KCNQ1: variants seen among roughly 807,000 people sequenced by gnomAD.
KCNQ1 encodes potassium voltage-gated channel subfamily Q member 1, also known as potassium voltage-gated channel subfamily KQT member 1.
A neutral mutation model predicts 72.4 loss-of-function variants in KCNQ1; 49 were observed. The ratio of observed to expected loss-of-function variants is 0.68; its 90% CI spans 0.54 to 0.86. KCNQ1 has a LOEUF of 0.86. KCNQ1 is among the 40% of genes least tolerant of loss of function. The probability of loss-of-function intolerance (pLI) is 0.00; values close to 1 mark genes in which losing one functional copy is unlikely to be tolerated. For synonymous variants in KCNQ1, 450 were observed against 412.6 expected, an observed-to-expected ratio of 1.09 and a Z score of -1.10; for missense variants, 790 against 945.1, an observed-to-expected ratio of 0.84 and a Z score of 2.15.
chr11:2,514,569 C>T (rs752603972), intron 1 of KCNQ1, among the ~76,000 whole-genome samples: 4 of 152,226 alleles, frequency 2.6e-5, no homozygotes, highest in Admixed American at 1.3e-4. Context: ...CGGTGGCTCA[C>T]GCCTGTAATC....
intron 11 of KCNQ1, chr11:2,662,295 G>T: frequency 1.6e-6 from 1 of 607,972 alleles, no homozygotes; most frequent in East Asian, 2.8e-5. Flanking sequence ...TGATCCTCTT[G>T]TTTTGACTTA....
chr11:2,681,793 C>T (rs1850402971), intron 11 of KCNQ1: 1 of 398,442 alleles, frequency 2.5e-6, no homozygotes, highest in South Asian at 1.3e-4. Flanking sequence ...AGAATGGGTA[C>T]AGTCCCTGCC....
Position 2,595,227 on chromosome 11 carries a change from A to T in KCNQ1, c.1393+6373A>T, listed in dbSNP as rs537914336. On this transcript the variant is annotated intron_variant, in intron 10 of 15. Coordinates refer to ENST00000155840, the MANE Select transcript of KCNQ1 (RefSeq NM_000218.3). The surrounding 1 kb of genome is among the most constrained non-coding windows in gnomAD (Gnocchi z 5.0). Reference sequence around the variant, plus strand: ...GCAGAAGACATGGTTATCTATGTAGAAAATCTGATGAACATGCAAGATGAC... The same window carrying T: ...GCAGAAGACATGGTTATCTATGTAGTAAATCTGATGAACATGCAAGATGAC... 6.6e-6 allele frequency among the ~76,000 whole-genome samples: 1 copy of T among 152,340 alleles called. No individual in the cohort carries two copies. Among genetic ancestry groups the T allele is most frequent in the African/African-American group, 2.4e-5 (1 of 41,580 alleles).
chr11:2,541,709 T>G lies in KCNQ1; in HGVS notation c.477+13691T>G, dbSNP rs987115279. Reference sequence around the variant, plus strand: ...CTCAGGCTCAGGTGTTTTGAGTTTTTTTTTTTTTTTAAATGAGGACATCTG... The same window carrying G: ...CTCAGGCTCAGGTGTTTTGAGTTTTGTTTTTTTTTTAAATGAGGACATCTG... On this transcript the variant is annotated intron_variant, in intron 2 of 15. Coordinates refer to ENST00000155840, the MANE Select transcript of KCNQ1 (RefSeq NM_000218.3). The surrounding 1 kb of genome is among the most constrained non-coding windows in gnomAD (Gnocchi z 4.8). Among the ~76,000 whole-genome samples, 2 of 151,418 alleles carry G rather than the reference T, an allele frequency of 1.3e-5. No individual in the cohort carries two copies. Among genetic ancestry groups the G allele is most frequent in the Admixed American group, 6.6e-5 (1 of 15,238 alleles).
At chr11:2,502,284 T>C (rs1847029663) in intron 1 of KCNQ1, among the ~76,000 whole-genome samples, 1 of 152,218 alleles carries the variant, frequency 6.6e-6, no homozygotes, top group Admixed American at 6.5e-5. Context: ...TGTGGTCTTA[T>C]ATTTGGAAAA....
In KCNQ1 at chr11:2,677,813, T is replaced by C. The variant is rs1850320077; in HGVS notation, c.1514+15732T>C. 2.5e-6 allele frequency: 1 copy of C among 398,590 alleles called. No individual in the cohort carries two copies. Among genetic ancestry groups the C allele is most frequent in the Non-Finnish European group, 4.4e-6 (1 of 226,042 alleles). The allele number at this position is 398,590 out of a possible 1,614,324, so 24.7% of individuals were successfully genotyped here. A position where few individuals can be genotyped will look rare whatever the true frequency, so the allele number is the denominator to read the frequency against. On this transcript the variant is annotated intron_variant, in intron 11 of 15. Coordinates refer to ENST00000155840, the MANE Select transcript of KCNQ1 (RefSeq NM_000218.3). The surrounding 1 kb of genome is among the most constrained non-coding windows in gnomAD (Gnocchi z 4.5). ...CCAGCAGGATTAAAATGTTCATTTA[T>C]GTTGTGATAGATACTGCCAAATAAG...
At position 2,626,787 on chromosome 11, in the gene KCNQ1, A is replaced by C. The variant is rs1328536359; in HGVS notation, c.1394-35174A>C. On this transcript the variant is annotated intron_variant, in intron 10 of 15. Transcript: ENST00000155840. The surrounding 1 kb of genome is among the most constrained non-coding windows in gnomAD (Gnocchi z 4.0). ...CAGAAGTCCTCCCACCTCAGCCTTC[A>C]AAAGTGCTGAGATTACAGGTGTAGG... 1.0e-5 allele frequency: 4 copies of C among 398,462 alleles called. No individual in the cohort carries two copies. Among genetic ancestry groups the C allele is most frequent in the Non-Finnish European group, 1.8e-5 (4 of 226,070 alleles). 24.7% of individuals were successfully genotyped at this position (398,462 alleles called of 1,614,324 possible). A position where few individuals can be genotyped will look rare whatever the true frequency, so the allele number is the denominator to read the frequency against.
In KCNQ1 at chr11:2,824,431, C is replaced by A. The variant is rs1254418906; in HGVS notation, c.1795-23336C>A. On this transcript the variant is annotated intron_variant, in intron 15 of 15. Transcript: ENST00000155840. The surrounding 1 kb of genome is among the most constrained non-coding windows in gnomAD (Gnocchi z 5.9). ...TTCTGGCTTGGCCATATGTTGGAGG[C>A]TGAAACGATTCATCCAGACAGGAGC... Among the ~76,000 whole-genome samples the A allele has an allele frequency of 2.0e-5, 3 of 152,174 alleles. No individual in the cohort carries two copies. The highest frequency in any genetic ancestry group is 2.9e-5 in the Non-Finnish European group (2 of 68,036).
At chr11:2,755,342 C>T (rs1442745227) in intron 11 of KCNQ1, among the ~76,000 whole-genome samples, 1 of 152,172 alleles carries the variant, frequency 6.6e-6, no homozygotes, top group Non-Finnish European at 1.5e-5. Context: ...CCTTGAACTC[C>T]CTGGCTCAAA....
chr11:2,699,674 G>GCGCCGAAGAACCCCCGGGGAGAACCT (rs1850753576), intron 11 of KCNQ1: 1 of 356,762 alleles, frequency 2.8e-6, no homozygotes, highest in Non-Finnish European at 5.0e-6. Flanking sequence ...GGGGAGAACC[G>GCGCCGAAGAACCCCCGGGGAGAACCT]CGCCGAAAAG....
In KCNQ1 at chr11:2,627,026, T is replaced by G; in HGVS notation, c.1394-34935T>G. On this transcript the variant is annotated intron_variant, in intron 10 of 15. Transcript: ENST00000155840. The surrounding 1 kb of genome is among the most constrained non-coding windows in gnomAD (Gnocchi z 4.9). ...ATTGTTTTGTGTGGTACTGACACCT[T>G]AACAATATTGGCCTTCCAATCCATG... is the stretch of plus-strand genomic sequence containing the variant. The G allele has an allele frequency of 2.5e-6, 1 of 398,602 alleles. No individual in the cohort carries two copies. Among genetic ancestry groups the G allele is most frequent in the Non-Finnish European group, 4.4e-6 (1 of 226,066 alleles). The allele number at this position is 398,602 out of a possible 1,614,324, so 24.7% of individuals were successfully genotyped here. A position where few individuals can be genotyped will look rare whatever the true frequency, so the allele number is the denominator to read the frequency against.
chr11:2,839,495 C>T (rs1473685133), intron 15 of KCNQ1, among the ~76,000 whole-genome samples: 1 of 152,194 alleles, frequency 6.6e-6, no homozygotes. Flanking sequence ...AGCACGGGGC[C>T]ATGTGGCACC....
chr11:2,697,977 C>G (rs535975689), intron 11 of KCNQ1: 31 of 398,606 alleles, frequency 7.8e-5, no homozygotes, highest in Middle Eastern at 6.3e-4. Context: ...CAACTCAATC[C>G]TTAAATTTTT....
intron 11 of KCNQ1, among the ~76,000 whole-genome samples, chr11:2,722,422 G>C (rs1262468211): frequency 1.3e-5 from 2 of 152,190 alleles, no homozygotes; most frequent in Non-Finnish European, 2.9e-5. Flanking sequence ...ACTGAGCCCA[G>C]AGACTGCAGC....
At chr11:2,839,243 C>T (rs1848152153) in intron 15 of KCNQ1, among the ~76,000 whole-genome samples, 2 of 152,210 alleles carry the variant, frequency 1.3e-5, no homozygotes, top group South Asian at 4.1e-4. Flanking sequence ...CTGCCCAGGC[C>T]CCTTCCAAGG....
intron 15 of KCNQ1, among the ~76,000 whole-genome samples, chr11:2,793,546 C>T (rs1369240119): frequency 6.6e-6 from 1 of 152,194 alleles, no homozygotes; most frequent in Non-Finnish European, 1.5e-5. Context: ...ATCGCTTGAG[C>T]CCAGGAGTTC....
chr11:2,730,514 T>C (rs543583703), intron 11 of KCNQ1, among the ~76,000 whole-genome samples: 16 of 152,174 alleles, frequency 1.1e-4, no homozygotes, highest in Admixed American at 1.0e-3. Context: ...TTCCTCCCTC[T>C]TTCTCTTATG....
intron 1 of KCNQ1, among the ~76,000 whole-genome samples, chr11:2,452,799 A>G (rs921523948): frequency 2.6e-5 from 4 of 152,124 alleles, no homozygotes; most frequent in Non-Finnish European, 5.9e-5. Flanking sequence ...ATGTAACTCC[A>G]TTGTATATGA....
At position 2,767,459 on chromosome 11, in the gene KCNQ1, A is replaced by T. The variant is rs1355876818; in HGVS notation, c.1515-1385A>T. On this transcript the variant is annotated intron_variant, in intron 11 of 15. Transcript: ENST00000155840. The surrounding 1 kb of genome is among the most constrained non-coding windows in gnomAD (Gnocchi z 4.6). ...TAATGGAAGGAGCTGCAAGTATTTA[A>T]GGCTGTTGGAAGTACCACACCTTTA... Among the ~76,000 whole-genome samples, 2 of 152,222 alleles carry T rather than the reference A, an allele frequency of 1.3e-5. No homozygotes were observed. The highest frequency in any genetic ancestry group is 3.8e-4 in the East Asian group (2 of 5,196).
Sources: allele counts gnomAD v4.1 joint callset (sites outside exome capture counted in the v4.1 genomes callset), GRCh38; gene constraint gnomAD v4.1.1; non-coding constraint Gnocchi (gnomAD v3.1); transcripts MANE v1.5; gene names NCBI Gene and HGNC (gene_info 2026-07-23, HGNC 2026-07-21).